The following BBX variants were observed in gnomAD, a reference collection of about 807,000 sequenced individuals.
BBX encodes BBX high mobility group box domain containing.
A neutral mutation model predicts 100.2 loss-of-function variants in BBX; 30 were observed. That is an observed-to-expected ratio of 0.30 (90% confidence interval 0.22 to 0.41). The LOEUF is 0.41. BBX is among the 10% of genes least tolerant of loss of function. The pLI is 1.00. For synonymous variants in BBX, 376 were observed against 388.1 expected (o/e 0.97, Z 0.37); for missense variants, 1,023 against 1,129.8 (o/e 0.91, Z 1.35).
At chr3:107,553,953 T>TC (rs971431660) in intron 2 of BBX, among the ~76,000 whole-genome samples, 4 of 152,240 alleles carry the variant, frequency 2.6e-5, no homozygotes, top group African/African-American at 9.6e-5. Flanking sequence ...TGTTTTTTTT[T>TC]CTTCTGGATT....
intron 2 of BBX, among the ~76,000 whole-genome samples, chr3:107,578,492 G>A (rs2051999576): frequency 6.6e-6 from 1 of 152,214 alleles, no homozygotes. Flanking sequence ...GGTTTTGTAT[G>A]TATGAAAAAT....
chr3:107,704,703 C>A (rs911807424), intron 3 of BBX, among the ~76,000 whole-genome samples: 6 of 152,214 alleles, frequency 3.9e-5, no homozygotes, highest in African/African-American at 1.4e-4. Flanking sequence ...TCCCCCATGA[C>A]TGCATTGCCT....
At chr3:107,785,369 A>G (rs1324383870) in intron 13 of BBX, among the ~76,000 whole-genome samples, 2 of 152,018 alleles carry the variant, frequency 1.3e-5, no homozygotes, top group Non-Finnish European at 2.9e-5. Flanking sequence ...CAAGACAAAG[A>G]CATCACAAGA....
intron 2 of BBX, among the ~76,000 whole-genome samples, chr3:107,630,971 G>A (rs955357227): frequency 3.3e-5 from 5 of 152,184 alleles, no homozygotes; most frequent in African/African-American, 7.2e-5. Flanking sequence ...CTCTTTTGAG[G>A]AGGACCCTGG....
chr3:107,794,544 A>C (rs902894460), intron 15 of BBX, among the ~76,000 whole-genome samples: 2 of 152,092 alleles, frequency 1.3e-5, no homozygotes, highest in Non-Finnish European at 2.9e-5. Flanking sequence ...TTATAGTTAG[A>C]TTTTCACACA....
In BBX at chr3:107,528,350, G is replaced by C. The variant is rs1394708471; in HGVS notation, c.-84+1952G>C. On this transcript the variant is annotated intron_variant, in intron 2 of 17. Transcript: ENST00000325805. Reference sequence around the variant, plus strand: ...CCCTAGTTTGCATTTCACATTTAATGCTAGCTATTGAAAAGGTGGCTCATC... The same window carrying C: ...CCCTAGTTTGCATTTCACATTTAATCCTAGCTATTGAAAAGGTGGCTCATC... Among the ~76,000 whole-genome samples the C allele has an allele frequency of 2.0e-5, 3 of 152,088 alleles. No homozygotes were observed. The East Asian group carries it at 5.8e-4, about 29-fold the overall frequency.
intron 2 of BBX, among the ~76,000 whole-genome samples, chr3:107,593,060 TCTGTTAA>T (rs1380401990): frequency 6.6e-6 from 1 of 152,246 alleles, no homozygotes; most frequent in Non-Finnish European, 1.5e-5. Context: ...TTCTGCTAGA[TCTGTTAA>T]CACCCTCGTT....
intron 7 of BBX, among the ~76,000 whole-genome samples, chr3:107,736,407 TTAAGTG>T (rs2063639710): frequency 6.6e-6 from 1 of 151,842 alleles, no homozygotes. Flanking sequence ...GCCCAGAAGT[TTAAGTG>T]AATATCACCT....
At chr3:107,550,362 G>T (rs907718511) in intron 2 of BBX, among the ~76,000 whole-genome samples, 2 of 152,152 alleles carry the variant, frequency 1.3e-5, no homozygotes, top group African/African-American at 2.4e-5. Flanking sequence ...TGACGCTATT[G>T]TTGGGGAAGT....
intron 2 of BBX, among the ~76,000 whole-genome samples, chr3:107,569,396 T>A (rs1053841218): frequency 4.6e-5 from 7 of 152,188 alleles, no homozygotes; most frequent in Non-Finnish European, 1.0e-4. Context: ...TTTATTTTTT[T>A]AATTTTTTTT....
At chr3:107,717,488 A>G (rs2062186550) in intron 5 of BBX, among the ~76,000 whole-genome samples, 1 of 152,176 alleles carries the variant, frequency 6.6e-6, no homozygotes, top group African/African-American at 2.4e-5. Flanking sequence ...GTCAAGAAAT[A>G]TGCTTTGACT....
intron 13 of BBX, among the ~76,000 whole-genome samples, chr3:107,780,498 G>A (rs1441072965): frequency 6.6e-6 from 1 of 151,814 alleles, no homozygotes; most frequent in Non-Finnish European, 1.5e-5. Context: ...TAGCTTTTTG[G>A]AGCTTTGGAT....
chr3:107,783,994 G>A (rs1244016166), intron 13 of BBX, among the ~76,000 whole-genome samples: 1 of 152,014 alleles, frequency 6.6e-6, no homozygotes, highest in Non-Finnish European at 1.5e-5. Flanking sequence ...AGCAACAGCT[G>A]TAATTTCTTG....
chr3:107,778,446 G>T lies in BBX; in HGVS notation c.2130G>T (p.Arg710=). The T allele has an allele frequency of 6.2e-7, 1 of 1,613,334 alleles. No homozygotes were observed. The highest frequency in any genetic ancestry group is 1.1e-5 in the South Asian group (1 of 91,066). The part of the protein sequence containing the change: ...LPQYSPVTFD[R]KCVPVPRKKK... ...AATATAGTCCTGTTACATTTGACCG[G>T]AAATGTGTACCTGTCCCAAGAAAAA... The change falls in exon 13 of 18, where the codon CGG becomes CGT. Residue 710 remains arginine (R), a synonymous_variant. Transcript: ENST00000325805.
chr3:107,616,537 C>G (rs554841602), intron 2 of BBX, among the ~76,000 whole-genome samples: 1 of 152,254 alleles, frequency 6.6e-6, no homozygotes, highest in East Asian at 1.9e-4. Context: ...GTATCCTCAA[C>G]AGCATTTTTG....
intron 2 of BBX, among the ~76,000 whole-genome samples, chr3:107,626,577 C>T (rs1033887645): frequency 1.3e-5 from 2 of 151,956 alleles, no homozygotes; most frequent in African/African-American, 4.8e-5. Flanking sequence ...AGGTGGTTCA[C>T]TCACATGCCT....
chr3:107,570,476 T>C (rs73202971), intron 2 of BBX, among the ~76,000 whole-genome samples: 7,504 of 152,092 alleles, frequency 0.049, 277 homozygotes, highest in Non-Finnish European at 0.077. Context: ...GTTTTTACAT[T>C]TGATGAAAAA....
At chr3:107,637,763 G>A (rs1336258294) in intron 2 of BBX, among the ~76,000 whole-genome samples, 1 of 152,230 alleles carries the variant, frequency 6.6e-6, no homozygotes, top group Non-Finnish European at 1.5e-5. Flanking sequence ...GGCCTTTTGT[G>A]TAGTCACTTA....
At chr3:107,560,778 C>T (rs1278721706) in intron 2 of BBX, among the ~76,000 whole-genome samples, 2 of 152,232 alleles carry the variant, frequency 1.3e-5, no homozygotes, top group Non-Finnish European at 2.9e-5. Context: ...ATAGTCTATT[C>T]TTCAAAATTT....
Sources: allele counts gnomAD v4.1 joint callset (sites outside exome capture counted in the v4.1 genomes callset), GRCh38; gene constraint gnomAD v4.1.1; transcripts MANE v1.5; gene names NCBI Gene and HGNC (gene_info 2026-07-23, HGNC 2026-07-21).